Variants in MTF2 observed in about 807,000 individuals in gnomAD.
MTF2 encodes the protein metal response element binding transcription factor 2.
In MTF2, 11 loss-of-function variants were observed where a neutral mutation model predicts 79.5. That is an observed-to-expected ratio of 0.14 (90% CI 0.09 to 0.23). The LOEUF is 0.23. Ranked by LOEUF, MTF2 falls within the 10% of genes least tolerant of loss-of-function variation. MTF2 has a pLI of 1.00. For synonymous variants in MTF2, 208 were observed against 232.8 expected (o/e 0.89, Z 0.97); for missense variants, 486 against 711.2 (o/e 0.68, Z 3.60).
intron 9 of MTF2, among the ~76,000 whole-genome samples, chr1:93,126,762 G>A (rs939309098): frequency 4.6e-5 from 7 of 151,798 alleles, no homozygotes; most frequent in South Asian, 2.1e-4. Context: ...AGAGATTATC[G>A]GTTTATGCTT....
At chr1:93,082,907 G>A (rs1356618830) in intron 1 of MTF2, among the ~76,000 whole-genome samples, 1 of 152,160 alleles carries the variant, frequency 6.6e-6, no homozygotes, top group Non-Finnish European at 1.5e-5. Context: ...TCTACCTTCT[G>A]TGTCTATAAA....
rs1245676908 is a variant in MTF2 at position 93,109,555 on chromosome 1, G to A, written c.6-675G>A. 9.2e-5 allele frequency among the ~76,000 whole-genome samples: 14 copies of A among 152,174 alleles called. No homozygotes were observed. In the South Asian group the frequency reaches 2.9e-3, roughly 32 times the overall value. On this transcript the variant is annotated intron_variant, in intron 1 of 14. Transcript: ENST00000370298. ...TCACCATGTTGGCCAGGCTGGTCTT[G>A]AACTCCTGGCCTCAGGTGATCCACC...
At chr1:93,084,251 TTCC>T (rs1201539255) in intron 1 of MTF2, among the ~76,000 whole-genome samples, 3 of 152,160 alleles carry the variant, frequency 2.0e-5, no homozygotes, top group African/African-American at 7.2e-5. Flanking sequence ...AACTAATTCT[TTCC>T]TCATTGACTT....
intron 1 of MTF2, among the ~76,000 whole-genome samples, chr1:93,084,377 T>C (rs534207681): frequency 2.0e-5 from 3 of 152,350 alleles, no homozygotes; most frequent in Admixed American, 2.0e-4. Flanking sequence ...TACCATAATA[T>C]TTTAATTACC....
At chr1:93,087,520 G>A (rs1299856237) in intron 1 of MTF2, among the ~76,000 whole-genome samples, 1 of 151,750 alleles carries the variant, frequency 6.6e-6, no homozygotes, top group Non-Finnish European at 1.5e-5. Flanking sequence ...TGCAGTGAGC[G>A]GAGATGGTAC....
At chr1:93,129,175 G>A in intron 10 of MTF2, 103 bp from the exon 11 acceptor site, 1 of 706,146 alleles carries the variant, frequency 1.4e-6, no homozygotes, top group Non-Finnish European at 2.1e-6. Context: ...AGTATTGGGT[G>A]GGCTTTCAAG....
Position 93,079,376 on chromosome 1 carries a change from C to G in MTF2, c.-151C>G. ...CGCTCATTCTACCCCCAACCCTTGT[C>G]TCCAAGGACCTCGGTTTGTGCGTGC... On this transcript the variant is annotated 5_prime_UTR_variant, in exon 1 of 15. Transcript: ENST00000370298. 4.4e-6 allele frequency: 4 copies of G among 918,128 alleles called. No individual in the cohort carries two copies. The highest frequency in any genetic ancestry group is 7.0e-6 in the Non-Finnish European group (4 of 569,746). 56.9% of individuals were successfully genotyped at this position (918,128 alleles called of 1,614,324 possible).
chr1:93,120,454 C>G (rs1458868016), intron 8 of MTF2, 95 bp from the exon 9 acceptor site: 2 of 1,180,020 alleles, frequency 1.7e-6, no homozygotes, highest in African/African-American at 3.2e-5. Context: ...AAATATTTCT[C>G]TTTGCATTTT....
intron 3 of MTF2, among the ~76,000 whole-genome samples, chr1:93,112,734 T>G (rs1192540033): frequency 1.3e-5 from 2 of 152,184 alleles, no homozygotes; most frequent in Non-Finnish European, 2.9e-5. Context: ...TCAATTGGAT[T>G]TAGAGTAAAG....
intron 1 of MTF2, among the ~76,000 whole-genome samples, chr1:93,081,799 ATAATT>A (rs1654616997): frequency 6.6e-6 from 1 of 152,224 alleles, no homozygotes; most frequent in African/African-American, 2.4e-5. Flanking sequence ...AAGTGAATTT[ATAATT>A]TAATTCATTA....
intron 1 of MTF2, among the ~76,000 whole-genome samples, chr1:93,080,615 G>A (rs548802193): frequency 6.6e-6 from 1 of 152,298 alleles, no homozygotes; most frequent in East Asian, 1.9e-4. Flanking sequence ...CTAGAAATAT[G>A]TAAATAGTAC....
intron 1 of MTF2, among the ~76,000 whole-genome samples, chr1:93,079,993 G>T (rs1165816045): frequency 1.3e-5 from 2 of 152,010 alleles, no homozygotes; most frequent in Non-Finnish European, 2.9e-5. Context: ...GTAGCAGCTT[G>T]GAATCGGAGG....
intron 1 of MTF2, among the ~76,000 whole-genome samples, chr1:93,090,227 C>T (rs1298267842): frequency 6.6e-6 from 1 of 152,222 alleles, no homozygotes; most frequent in African/African-American, 2.4e-5. Flanking sequence ...CCACCCGCCT[C>T]AGCCTCCCAA....
At chr1:93,123,371 C>G (rs556004809) in intron 9 of MTF2, among the ~76,000 whole-genome samples, 5 of 151,546 alleles carry the variant, frequency 3.3e-5, no homozygotes, top group African/African-American at 1.2e-4. Flanking sequence ...CCTGCCTCAG[C>G]AATTCTTGTT....
intron 1 of MTF2, among the ~76,000 whole-genome samples, chr1:93,108,845 C>T (rs1057020661): frequency 1.1e-4 from 17 of 152,070 alleles, no homozygotes; most frequent in African/African-American, 4.1e-4. Context: ...TCTTCCTAGC[C>T]GTTGGCCGCC....
At chr1:93,127,915 A>G (rs1370702472) in intron 10 of MTF2, among the ~76,000 whole-genome samples, 1 of 152,054 alleles carries the variant, frequency 6.6e-6, no homozygotes, top group African/African-American at 2.4e-5. Context: ...AAATGCAACA[A>G]ATTTTATAAA....
At chr1:93,105,182 G>T (rs1392646088) in intron 1 of MTF2, among the ~76,000 whole-genome samples, 1 of 150,202 alleles carries the variant, frequency 6.7e-6, no homozygotes, top group Non-Finnish European at 1.5e-5. Context: ...TTCCCTGTTT[G>T]GGGGGAGGTT....
chr1:93,085,115 C>A (rs1654781598), intron 1 of MTF2, among the ~76,000 whole-genome samples: 1 of 151,928 alleles, frequency 6.6e-6, no homozygotes, highest in Non-Finnish European at 1.5e-5. Flanking sequence ...ACTAAAAATA[C>A]TTTTAAAATT....
intron 3 of MTF2, 63 bp downstream of exon 3, chr1:93,110,689 ATAT>A (rs1386219069): frequency 1.1e-5 from 14 of 1,301,048 alleles, no homozygotes; most frequent in Non-Finnish European, 1.3e-5. Context: ...TCAACTTGTC[ATAT>A]TATGATGTTG....
Sources: gnomAD v4.1 joint callset for allele counts (sites outside exome capture counted in the v4.1 genomes callset) on GRCh38, gnomAD v4.1.1 for gene constraint, MANE v1.5 for transcripts, NCBI Gene and HGNC (gene_info 2026-07-23, HGNC 2026-07-21) for gene names.